The following TENM3 variants were observed in gnomAD, a reference collection of about 807,000 sequenced individuals.
TENM3 encodes teneurin-3.
In TENM3, 63 loss-of-function variants were observed where a neutral mutation model predicts 255.1. The observed-to-expected ratio is 0.25, with a 90% CI of 0.20 to 0.30. The LOEUF (loss-of-function observed/expected upper bound fraction) is 0.30. Ranked by LOEUF, TENM3 falls within the 10% of genes least tolerant of loss-of-function variation. TENM3 has a pLI of 1.00. For synonymous variants in TENM3, 1,306 were observed against 1,322.3 expected (o/e 0.99, Z 0.27); for missense variants, 2,929 against 3,461.1 (o/e 0.85, Z 3.86).
Position 182,688,316 on chromosome 4 carries a change from G to A in TENM3, c.2186G>A (p.Cys729Tyr). Residue 729 changes from cysteine to tyrosine, a missense_variant, in exon 12 of 28, where the codon TGC becomes TAC. By Grantham distance (194) the Cys-to-Tyr change is radical. Around this residue, in one of 6 missense-constraint regions of TENM3, gnomAD observed 1,608 missense variants for 1,884.4 expected, o/e 0.85. Transcript: ENST00000511685. The stretch of plus-strand genomic sequence containing the variant: ...ACCTGCAAGGATGGCAAGTGTGAAT[G>A]CAGCCAGGGCTGGAATGGAGAGCAC... ...HGTCKDGKCE[C>Y]SQGWNGEHCT... 1 of 1,613,754 alleles carries A rather than the reference G, an allele frequency of 6.2e-7. No homozygotes were observed. The highest frequency in any genetic ancestry group is 8.5e-7 in the Non-Finnish European group (1 of 1,179,770).
chr4:182,544,317 T>C (rs539650319), intron 3 of TENM3, among the ~76,000 whole-genome samples: 10 of 146,338 alleles, frequency 6.8e-5, no homozygotes, highest in Admixed American at 3.6e-4. Flanking sequence ...CAGCACAGCA[T>C]TGTGGATTTT....
chr4:181,661,265 T>C, the TENM3 span, among the ~76,000 whole-genome samples: 1 of 152,200 alleles, frequency 6.6e-6, no homozygotes, highest in African/African-American at 2.4e-5. Flanking sequence ...GAGCTGACTA[T>C]TTATGAGTCA....
chr4:181,607,625 G>A, the TENM3 span, among the ~76,000 whole-genome samples: 3 of 151,810 alleles, frequency 2.0e-5, no homozygotes, highest in Non-Finnish European at 4.4e-5. Context: ...GGATGGTCTC[G>A]ATCTCCTGAC....
chr4:182,315,314 G>A (rs1762690123), intron 1 of TENM3, among the ~76,000 whole-genome samples: 1 of 152,026 alleles, frequency 6.6e-6, no homozygotes, highest in Admixed American at 6.5e-5. Flanking sequence ...TTTGTAATGA[G>A]AGTCTGCTGA....
At chr4:182,615,614 C>T (rs1203104761) in intron 4 of TENM3, among the ~76,000 whole-genome samples, 1 of 151,328 alleles carries the variant, frequency 6.6e-6, no homozygotes, top group African/African-American at 2.4e-5. Context: ...AGCCAGTACA[C>T]ACGGTAGATA....
the TENM3 span, among the ~76,000 whole-genome samples, chr4:181,714,490 C>T: frequency 6.6e-6 from 1 of 152,142 alleles, no homozygotes; most frequent in African/African-American, 2.4e-5. Context: ...CTCAGGCTCA[C>T]TGGAGGAACA....
the TENM3 span, among the ~76,000 whole-genome samples, chr4:181,949,029 G>A: frequency 6.6e-6 from 1 of 152,066 alleles, no homozygotes; most frequent in African/African-American, 2.4e-5. Context: ...ACAAAGGGGA[G>A]GCTAGACCTT....
At chr4:182,174,668 C>A (rs1389094144) in intron 1 of TENM3, among the ~76,000 whole-genome samples, 1 of 152,046 alleles carries the variant, frequency 6.6e-6, no homozygotes, top group Non-Finnish European at 1.5e-5. Flanking sequence ...ATTAGAAAAT[C>A]AAGAAAATAA....
At chr4:182,707,911 T>C (rs1758408578) in intron 12 of TENM3, 1 of 152,362 alleles carries the variant, frequency 6.6e-6, no homozygotes, top group African/African-American at 2.4e-5. Flanking sequence ...AAGGTGGAAC[T>C]GCCTGGTGGC....
intron 1 of TENM3, among the ~76,000 whole-genome samples, chr4:182,301,197 A>C (rs1023221456): frequency 6.6e-6 from 1 of 152,200 alleles, no homozygotes; most frequent in African/African-American, 2.4e-5. Flanking sequence ...TTTTGCAGTC[A>C]GATAGAGTCA....
the TENM3 span, among the ~76,000 whole-genome samples, chr4:181,512,608 G>A: frequency 1.3e-4 from 20 of 152,220 alleles, no homozygotes; most frequent in Non-Finnish European, 2.5e-4. Flanking sequence ...ATCCCACTTC[G>A]TCGCTAACTC....
the TENM3 span, among the ~76,000 whole-genome samples, chr4:181,803,939 CAAA>C: frequency 2.6e-5 from 3 of 117,558 alleles, no homozygotes; most frequent in Non-Finnish European, 5.2e-5. Context: ...ATTATCTCAA[CAAA>C]AAAAAAAAAA....
At chr4:181,997,845 G>A in the TENM3 span, among the ~76,000 whole-genome samples, 1 of 152,136 alleles carries the variant, frequency 6.6e-6, no homozygotes. Flanking sequence ...GCACAAAAAA[G>A]GATTAAGCCA....
chr4:182,378,818 G>GGA (rs1561383993), intron 3 of TENM3, among the ~76,000 whole-genome samples: 1 of 152,108 alleles, frequency 6.6e-6, no homozygotes, highest in Non-Finnish European at 1.5e-5. Context: ...TTTTGAACAG[G>GGA]GAGAGACATG....
chr4:182,650,925 A>ATATATATATAT (rs1561056446), intron 5 of TENM3, among the ~76,000 whole-genome samples: 150 of 18,628 alleles, frequency 8.1e-3, no homozygotes, highest in Non-Finnish European at 1.0e-2. Flanking sequence ...TATATATATA[A>ATATATATATAT]AACAAAGCTG....
chr4:181,787,565 C>G, the TENM3 span, among the ~76,000 whole-genome samples: 2 of 152,036 alleles, frequency 1.3e-5, no homozygotes, highest in African/African-American at 4.8e-5. Flanking sequence ...GTCTCAAACT[C>G]CTGACCTCAA....
At chr4:182,077,037 C>A in the TENM3 span, among the ~76,000 whole-genome samples, 1 of 152,160 alleles carries the variant, frequency 6.6e-6, no homozygotes, top group Non-Finnish European at 1.5e-5. Flanking sequence ...CTTTCCTTGA[C>A]AGTCACGGAC....
At chr4:182,402,355 A>G (rs1026807038) in intron 3 of TENM3, among the ~76,000 whole-genome samples, 1 of 152,190 alleles carries the variant, frequency 6.6e-6, no homozygotes, top group African/African-American at 2.4e-5. Flanking sequence ...TGACTTTTGT[A>G]CAGTCGCTCC....
At position 182,770,111 on chromosome 4, in the gene TENM3, A is replaced by C. The variant is rs576353218; in HGVS notation, c.4893-3361A>C. ...ACAGAGTGAGACTTGTCTCGAAAAA[A>C]AAAAAAAAAAACAGTTCTTTTGAAA... is the stretch of plus-strand genomic sequence containing the variant. On this transcript the variant is annotated intron_variant, in intron 22 of 27. Coordinates refer to ENST00000511685, the MANE Select transcript of TENM3 (RefSeq NM_001080477.4). 5.5e-3 allele frequency among the ~76,000 whole-genome samples: 837 copies of C among 152,086 alleles called. 3 individuals are homozygous for C. Among genetic ancestry groups the C allele is most frequent in the South Asian group, 0.02 (94 of 4,804 alleles).
Sources: allele counts gnomAD v4.1 joint callset (sites outside exome capture counted in the v4.1 genomes callset), GRCh38; gene constraint gnomAD v4.1.1; regional missense constraint gnomAD v4.1.1; transcripts MANE v1.5; gene names NCBI Gene and HGNC (gene_info 2026-07-23, HGNC 2026-07-21).